CYB5D2: variants seen among roughly 807,000 people sequenced by gnomAD.
CYB5D2 encodes the protein cytochrome b5 domain containing 2.
A neutral mutation model predicts 22.8 loss-of-function variants in CYB5D2; 23 were observed. The observed-to-expected ratio is 1.01, with a 90% CI of 0.73 to 1.43. The LOEUF (loss-of-function observed/expected upper bound fraction) is 1.43. Ranked by LOEUF, CYB5D2 falls within the 40% of genes most tolerant of loss-of-function variation. CYB5D2 has a pLI of 0.00. For synonymous variants in CYB5D2, 170 were observed against 152.2 expected, an observed-to-expected ratio of 1.12 and a Z score of -0.86; for missense variants, 373 against 357.2, an observed-to-expected ratio of 1.04 and a Z score of -0.36.
At chr17:4,154,323 A>T (rs2059089472) in intron 2 of CYB5D2, among the ~76,000 whole-genome samples, 1 of 152,250 alleles carries the variant, frequency 6.6e-6, no homozygotes, top group Non-Finnish European at 1.5e-5. Flanking sequence ...TAAGCCATTC[A>T]TTCATCAAAC....
chr17:4,151,456 G>A (rs899675645), intron 2 of CYB5D2, among the ~76,000 whole-genome samples: 20 of 152,310 alleles, frequency 1.3e-4, no homozygotes, highest in African/African-American at 4.6e-4. Flanking sequence ...AGGCCGAGGT[G>A]GGCGGATCAC....
chr17:4,150,282 G>A (rs2059041429), intron 2 of CYB5D2, among the ~76,000 whole-genome samples: 1 of 152,202 alleles, frequency 6.6e-6, no homozygotes, highest in African/African-American at 2.4e-5. Flanking sequence ...GCCATAGCCA[G>A]TGGTTGCTTG....
chr17:4,144,287 C>G (rs567955015), intron 1 of CYB5D2, among the ~76,000 whole-genome samples: 1 of 151,876 alleles, frequency 6.6e-6, no homozygotes, highest in African/African-American at 2.4e-5. Flanking sequence ...CGTCGGAAGC[C>G]CTAGGATACG....
intron 2 of CYB5D2, among the ~76,000 whole-genome samples, chr17:4,153,067 T>C (rs1222967470): frequency 6.6e-6 from 1 of 152,206 alleles, no homozygotes; most frequent in Non-Finnish European, 1.5e-5. Context: ...TGTGAGCCGC[T>C]GCGCCTGGCG....
At chr17:4,151,147 C>G (rs2059053035) in intron 2 of CYB5D2, 1 of 152,200 alleles carries the variant, frequency 6.6e-6, no homozygotes, top group African/African-American at 2.4e-5. Context: ...CACATCCAAT[C>G]AATCATGGCT....
chr17:4,146,157 G>A (rs999049134), intron 1 of CYB5D2, among the ~76,000 whole-genome samples: 1 of 152,064 alleles, frequency 6.6e-6, no homozygotes. Flanking sequence ...GTGCGGTGGC[G>A]CAATCTTGGC....
In CYB5D2 at chr17:4,155,501, G is replaced by A. The variant is rs114383787; in HGVS notation, c.578+641G>A. Among the ~76,000 whole-genome samples the A allele has an allele frequency of 2.2e-3, 341 of 152,246 alleles. 2 individuals are homozygous for A. The highest frequency in any genetic ancestry group is 0.014 in the Middle Eastern group (4 of 294). ...TCGGAGTTCTCAGCCTTAAATGAGC[G>A]GAGCAAGGGCAAAGGTAGCAGGAAG... On this transcript the variant is annotated intron_variant, in intron 3 of 3. Coordinates refer to ENST00000301391, the MANE Select transcript of CYB5D2 (RefSeq NM_144611.4).
At position 4,143,727 on chromosome 17, in the gene CYB5D2, G is replaced by C. The variant is rs1340470749; in HGVS notation, c.-29G>C. On this transcript the variant is annotated 5_prime_UTR_variant, in exon 1 of 4. Coordinates refer to ENST00000301391, the MANE Select transcript of CYB5D2 (RefSeq NM_144611.4). Reference sequence around the variant, plus strand: ...AGCTGTAGATAGAGGCGGCAACCTCGGAAGTGCGGAGCGGGTGGGCCTATA... The same window carrying C: ...AGCTGTAGATAGAGGCGGCAACCTCCGAAGTGCGGAGCGGGTGGGCCTATA... 1 of 1,584,222 alleles carries C rather than the reference G, an allele frequency of 6.3e-7. No homozygotes were observed. The highest frequency in any genetic ancestry group is 2.3e-5 in the East Asian group (1 of 44,286).
At chr17:4,144,064 G>A (rs1485034645) in intron 1 of CYB5D2, 59 bp downstream of exon 1, 3 of 1,524,278 alleles carry the variant, frequency 2.0e-6, no homozygotes, top group East Asian at 2.3e-5. Context: ...AGCCACCTGC[G>A]CGTCGTTCGT....
chr17:4,143,882 C>T lies in CYB5D2; in HGVS notation c.127C>T (p.Leu43=). The change falls in exon 1 of 4, where the codon CTG becomes TTG. Residue 43 remains leucine (L), a synonymous_variant. Transcript: ENST00000301391. ...CTTTCGCCTTTTCATACCGGAGGAG[C>T]TGTCTCGCTACCGCGGCGGCCCAGG... The part of the protein sequence containing the change: ...AGFRLFIPEE[L]SRYRGGPGDP... 1.2e-6 allele frequency: 2 copies of T among 1,614,052 alleles called. No individual in the cohort carries two copies. The highest frequency in any genetic ancestry group is 1.7e-6 in the Non-Finnish European group (2 of 1,180,022).
In CYB5D2 at chr17:4,157,152, T is replaced by G; in HGVS notation, c.*70T>G. 1 of 1,542,274 alleles carries G rather than the reference T, an allele frequency of 6.5e-7. No homozygotes were observed. Among genetic ancestry groups the G allele is most frequent in the Non-Finnish European group, 8.8e-7 (1 of 1,130,528 alleles). On this transcript the variant is annotated 3_prime_UTR_variant, in exon 4 of 4. Transcript: ENST00000301391. This position sits in a 1 kb window ranked among gnomAD's most constrained non-coding sequence, Gnocchi z 4.4. The stretch of plus-strand genomic sequence containing the variant: ...CACCTGAGTAGGCCCTTGACACTTG[T>G]GTGCCCTGGGATGCCTCCTGGCGCG...
chr17:4,156,772 T>C (rs1239414049), intron 3 of CYB5D2, 94 bp from the exon 4 acceptor site: 2 of 1,369,144 alleles, frequency 1.5e-6, no homozygotes, highest in Non-Finnish European at 2.0e-6. Flanking sequence ...GGCTTCTACT[T>C]TTCAGAAGGC....
rs552393035 is a variant in CYB5D2 at position 4,150,810 on chromosome 17, C to T, written c.391+779C>T. 2.5e-3 allele frequency: 374 copies of T among 152,424 alleles called. 1 individual carries two copies. Among genetic ancestry groups the T allele is most frequent in the Non-Finnish European group, 3.5e-3 (240 of 68,178 alleles). 9.4% of individuals were successfully genotyped at this position (152,424 alleles called of 1,614,324 possible). Reference sequence around the variant, plus strand: ...CTGAGGCAGGAGAATCGCTTCAGCCCGGGAGATGGAGGTTGCAGTGACCTG... The same window carrying T: ...CTGAGGCAGGAGAATCGCTTCAGCCTGGGAGATGGAGGTTGCAGTGACCTG... On this transcript the variant is annotated intron_variant, in intron 2 of 3. Coordinates refer to ENST00000301391, the MANE Select transcript of CYB5D2 (RefSeq NM_144611.4).
At position 4,157,011 on chromosome 17, in the gene CYB5D2, C is replaced by G; in HGVS notation, c.724C>G (p.Leu242Val). 2 of 1,612,848 alleles carry G rather than the reference C, an allele frequency of 1.2e-6. No individual in the cohort carries two copies. The highest frequency in any genetic ancestry group is 1.7e-6 in the Non-Finnish European group (2 of 1,180,038). Residue 242 changes from leucine (L) to valine (V), a missense_variant, in exon 4 of 4, where the codon CTG becomes GTG. Leu to Val is a conservative substitution (Grantham distance 32). Coordinates refer to ENST00000301391, the MANE Select transcript of CYB5D2 (RefSeq NM_144611.4). The surrounding 1 kb of genome is among the most constrained non-coding windows in gnomAD (Gnocchi z 4.4). ...DNPPHRNRGD[L>V]DHPNLAEYTG... ...CCCTCCACACAGAAATCGTGGGGACCTGGACCACCCAAACTTGGCAGAGTA... is the reference window on the plus strand; with the variant it reads ...CCCTCCACACAGAAATCGTGGGGACGTGGACCACCCAAACTTGGCAGAGTA...
intron 2 of CYB5D2, among the ~76,000 whole-genome samples, chr17:4,153,194 G>A (rs1303449436): frequency 6.6e-6 from 1 of 152,214 alleles, no homozygotes; most frequent in Non-Finnish European, 1.5e-5. Context: ...ACGTTTGGGA[G>A]CTTTGGCTCC....
chr17:4,153,329 C>G (rs2059078210), intron 2 of CYB5D2, among the ~76,000 whole-genome samples: 1 of 139,964 alleles, frequency 7.1e-6, no homozygotes, highest in South Asian at 2.1e-4. Flanking sequence ...AAGAGCGGTG[C>G]GAAGGTGGGG....
intron 1 of CYB5D2, among the ~76,000 whole-genome samples, chr17:4,148,516 CAAA>C (rs34632039): frequency 1.5e-4 from 15 of 102,620 alleles, no homozygotes; most frequent in Non-Finnish European, 1.3e-4. Flanking sequence ...GACTCAGTCT[CAAA>C]AAAAAAAAAA....
chr17:4,143,582 A>C lies in CYB5D2; in HGVS notation c.-174A>C. The stretch of plus-strand genomic sequence containing the variant: ...AGTCGCAGACAGCGAGCTTTTCGCC[A>C]GTGCCAGGAATACAGATAAAACGAG... On this transcript the variant is annotated 5_prime_UTR_variant, in exon 1 of 4. Coordinates refer to ENST00000301391, the MANE Select transcript of CYB5D2 (RefSeq NM_144611.4). 2 of 846,590 alleles carry C rather than the reference A, an allele frequency of 2.4e-6. No individual in the cohort carries two copies. The highest frequency in any genetic ancestry group is 4.6e-5 in the South Asian group (2 of 43,018). 52.4% of individuals were successfully genotyped at this position (846,590 alleles called of 1,614,324 possible). A position where few individuals can be genotyped will look rare whatever the true frequency, so the allele number is the denominator to read the frequency against.
At chr17:4,146,541 C>T (rs1468409160) in intron 1 of CYB5D2, among the ~76,000 whole-genome samples, 3 of 152,108 alleles carry the variant, frequency 2.0e-5, no homozygotes, top group Non-Finnish European at 4.4e-5. Context: ...CAGGCGTCCA[C>T]CACCACACCT....
Sources: allele counts gnomAD v4.1 joint callset (sites outside exome capture counted in the v4.1 genomes callset), GRCh38; gene constraint gnomAD v4.1.1; non-coding constraint Gnocchi (gnomAD v3.1); transcripts MANE v1.5; gene names NCBI Gene and HGNC (gene_info 2026-07-23, HGNC 2026-07-21).